The following SLC4A5 variants were observed in gnomAD, a reference collection of about 807,000 sequenced individuals.
The protein encoded by SLC4A5 is solute carrier family 4 member 5, also known as electrogenic sodium bicarbonate cotransporter 4.
Under a neutral mutation model 120.4 loss-of-function variants are expected in SLC4A5, and 96 were observed. That is an observed-to-expected ratio of 0.80 (90% CI 0.68 to 0.94). SLC4A5 has a LOEUF of 0.94. Ranked by LOEUF, SLC4A5 falls within the 40% of genes least tolerant of loss-of-function variation. The pLI is 0.00. For synonymous variants in SLC4A5, 550 were observed against 571.1 expected (o/e 0.96, Z 0.53); for missense variants, 1,259 against 1,459.5 (o/e 0.86, Z 2.24).
chr2:74,262,926 T>C (rs1057405790), intron 10 of SLC4A5, among the ~76,000 whole-genome samples: 7 of 152,204 alleles, frequency 4.6e-5, no homozygotes, highest in Non-Finnish European at 1.0e-4. Flanking sequence ...CACAGCATTT[T>C]TGTGAGGATG....
chr2:74,239,167 C>T (rs1670356869), intron 21 of SLC4A5, among the ~76,000 whole-genome samples, 168 bp downstream of exon 21: 1 of 152,212 alleles, frequency 6.6e-6, no homozygotes, highest in Non-Finnish European at 1.5e-5. Flanking sequence ...CAAGTGTTGT[C>T]AAGGGGACCA....
chr2:74,282,533 T>C (rs115102431), intron 8 of SLC4A5, among the ~76,000 whole-genome samples: 1,953 of 152,336 alleles, frequency 0.013, 26 homozygotes, highest in African/African-American at 0.026. Context: ...ACTTTGCAGA[T>C]GGTAACTGCC....
chr2:74,293,915 A>C (rs1359091647), intron 7 of SLC4A5, among the ~76,000 whole-genome samples: 1 of 152,212 alleles, frequency 6.6e-6, no homozygotes, highest in African/African-American at 2.4e-5. Flanking sequence ...CACTGTCATA[A>C]GAATAGTTAG....
exon 21 of SLC4A5, chr2:74,239,355 T>C: frequency 6.2e-7 from 1 of 1,614,182 alleles, no homozygotes; most frequent in Non-Finnish European, 8.5e-7. Flanking sequence ...AAATAGCGGC[T>C]GAATTTGAAC....
chr2:74,307,167 A>G, intron 6 of SLC4A5: 1 of 561,710 alleles, frequency 1.8e-6, no homozygotes, highest in South Asian at 1.7e-5. Flanking sequence ...GGCAGACTGC[A>G]TGGTGACCAC....
chr2:74,294,013 A>G (rs959790966), intron 7 of SLC4A5, among the ~76,000 whole-genome samples: 3 of 152,112 alleles, frequency 2.0e-5, no homozygotes, highest in Non-Finnish European at 4.4e-5. Flanking sequence ...CAAAGGAAAC[A>G]CTCCGTGACC....
intron 30 of SLC4A5, 112 bp downstream of exon 30, chr2:74,221,322 A>AGGGCCCCAGTTGG (rs2103866545): frequency 1.4e-6 from 1 of 723,926 alleles, no homozygotes; most frequent in East Asian, 2.8e-5. Flanking sequence ...GGGGCCAGCA[A>AGGGCCCCAGTTGG]GGGCCTTCTA....
intron 12 of SLC4A5, among the ~76,000 whole-genome samples, chr2:74,257,087 C>G (rs927503268): frequency 6.6e-6 from 1 of 152,136 alleles, no homozygotes; most frequent in African/African-American, 2.4e-5. Flanking sequence ...CAGCTATGGG[C>G]ATGGATATGG....
exon 18 of SLC4A5, chr2:74,248,446 G>A (rs1182123371): frequency 1.9e-6 from 3 of 1,614,020 alleles, no homozygotes; most frequent in East Asian, 2.2e-5. Context: ...GCAGAACAAG[G>A]AGCCAGCCAT....
At chr2:74,312,247 G>GTA (rs1429154218) in intron 6 of SLC4A5, among the ~76,000 whole-genome samples, 5 of 146,236 alleles carry the variant, frequency 3.4e-5, no homozygotes, top group African/African-American at 1.3e-4. Flanking sequence ...GTGTATATGT[G>GTA]TGTGTGTGTG....
chr2:74,226,033 TG>T (rs946724221), intron 27 of SLC4A5, among the ~76,000 whole-genome samples: 35 of 152,302 alleles, frequency 2.3e-4, no homozygotes, highest in African/African-American at 8.4e-4. Context: ...CTGAGGGCAC[TG>T]GGGGGAGGAT....
At chr2:74,219,846 AAGGT>A (rs1453173077) in intron 30 of SLC4A5, among the ~76,000 whole-genome samples, 2 of 152,212 alleles carry the variant, frequency 1.3e-5, no homozygotes, top group Non-Finnish European at 2.9e-5. Flanking sequence ...GATGAGAAGG[AAGGT>A]GGAGATTAAC....
At chr2:74,251,110 A>G (rs116417975) in intron 16 of SLC4A5, among the ~76,000 whole-genome samples, 31 of 152,254 alleles carry the variant, frequency 2.0e-4, no homozygotes, top group African/African-American at 7.5e-4. Context: ...AGTTCTGCTG[A>G]TATTTTGGAC....
chr2:74,232,403 G>A, intron 24 of SLC4A5, 66 bp downstream of exon 24: 2 of 1,557,630 alleles, frequency 1.3e-6, no homozygotes, highest in South Asian at 1.2e-5. Context: ...GGCAGGCAAA[G>A]CCAGCTTCTC....
chr2:74,319,874 G>A (rs2104312301), intron 5 of SLC4A5, among the ~76,000 whole-genome samples: 1 of 152,164 alleles, frequency 6.6e-6, no homozygotes, highest in East Asian at 1.9e-4. Flanking sequence ...CTTGGTTTCT[G>A]GCTACTCTCC....
At chr2:74,216,669 C>CATG (rs1295250484) in exon 31 of SLC4A5, 2 of 152,132 alleles carry the variant, frequency 1.3e-5, no homozygotes, top group Non-Finnish European at 2.9e-5. Flanking sequence ...AGTGCAGTGG[C>CATG]ATGATTATAG....
intron 22 of SLC4A5, among the ~76,000 whole-genome samples, chr2:74,234,179 CT>C (rs1207652635): frequency 7.0e-4 from 99 of 141,862 alleles, no homozygotes; most frequent in Admixed American, 9.1e-4. Context: ...TTCTTTCTTT[CT>C]TTTTTTTTTT....
chr2:74,304,711 C>G (rs376022170), intron 6 of SLC4A5, 31 bp from the exon 7 acceptor site: 5 of 1,576,182 alleles, frequency 3.2e-6, no homozygotes, highest in Non-Finnish European at 4.3e-6. Flanking sequence ...ACAGGGGAGG[C>G]AGGGTTACTG....
At chr2:74,248,311 A>C (rs766260362) in intron 18 of SLC4A5, 42 bp downstream of exon 18, 4 of 1,608,138 alleles carry the variant, frequency 2.5e-6, no homozygotes, top group Non-Finnish European at 3.4e-6. Context: ...ATACTGCCCC[A>C]AATGCGAGAG....
Sources: gnomAD v4.1 joint callset for allele counts (sites outside exome capture counted in the v4.1 genomes callset) on GRCh38, gnomAD v4.1.1 for gene constraint, MANE v1.5 for transcripts, NCBI Gene and HGNC (gene_info 2026-07-23, HGNC 2026-07-21) for gene names.